The following PLCL1 variants were observed in gnomAD, a reference collection of about 807,000 sequenced individuals.
PLCL1 encodes phospholipase C like 1 (inactive), also known as inactive phospholipase C-like protein 1.
PLCL1 carries 41 observed loss-of-function variants against 84.4 expected under a neutral mutation model. That is an observed-to-expected ratio of 0.49 (90% CI 0.38 to 0.63). The LOEUF is 0.63. Ranked by LOEUF, PLCL1 falls within the 30% of genes least tolerant of loss-of-function variation. The probability of loss-of-function intolerance (pLI) is 0.00; values close to 1 mark genes in which losing one functional copy is unlikely to be tolerated. For synonymous variants in PLCL1, 490 were observed against 488.3 expected (o/e 1.00, Z -0.05); for missense variants, 1,206 against 1,367.8 (o/e 0.88, Z 1.87).
chr2:198,017,273 C>T (rs1691021374), intron 1 of PLCL1, among the ~76,000 whole-genome samples: 1 of 152,214 alleles, frequency 6.6e-6, no homozygotes, highest in African/African-American at 2.4e-5. Flanking sequence ...TAAACACCTG[C>T]TTCCTCCTAC....
At chr2:197,855,157 G>T (rs1296864673) in intron 1 of PLCL1, among the ~76,000 whole-genome samples, 1 of 152,156 alleles carries the variant, frequency 6.6e-6, no homozygotes, top group African/African-American at 2.4e-5. Context: ...AAACTGAGAG[G>T]TGGGCTAAGG....
chr2:197,887,282 C>T (rs1687940285), intron 1 of PLCL1, among the ~76,000 whole-genome samples: 1 of 151,948 alleles, frequency 6.6e-6, no homozygotes, highest in Admixed American at 6.6e-5. Context: ...TATGAAGTAC[C>T]CCAAATTCAG....
At chr2:197,810,317 C>T (rs1021736839) in intron 1 of PLCL1, 1 of 1,241,790 alleles carries the variant, frequency 8.1e-7, no homozygotes, top group African/African-American at 1.5e-5. Flanking sequence ...GAAGAATAAA[C>T]TTCAGGTAAA....
chr2:198,082,075 A>G (rs1408843178), intron 1 of PLCL1, among the ~76,000 whole-genome samples: 1 of 152,248 alleles, frequency 6.6e-6, no homozygotes, highest in African/African-American at 2.4e-5. Context: ...TCATAGTCCT[A>G]CAGTTACTGG....
At chr2:198,048,620 A>T (rs1691859655) in intron 1 of PLCL1, among the ~76,000 whole-genome samples, 1 of 152,162 alleles carries the variant, frequency 6.6e-6, no homozygotes, top group African/African-American at 2.4e-5. Flanking sequence ...AAGGAGAGAG[A>T]GTGGGGAGGT....
intron 1 of PLCL1, among the ~76,000 whole-genome samples, chr2:197,835,526 C>T (rs966511317): frequency 2.0e-5 from 3 of 152,216 alleles, no homozygotes; most frequent in African/African-American, 7.2e-5. Flanking sequence ...TTGCAAAGGC[C>T]ATGTTTAATA....
At chr2:198,108,454 A>G (rs1693541426) in intron 5 of PLCL1, among the ~76,000 whole-genome samples, 1 of 151,900 alleles carries the variant, frequency 6.6e-6, no homozygotes, top group African/African-American at 2.4e-5. Context: ...CTGGAAAAAA[A>G]TGAGAAATGT....
chr2:197,836,272 C>T (rs1286046354), intron 1 of PLCL1, among the ~76,000 whole-genome samples: 2 of 151,478 alleles, frequency 1.3e-5, no homozygotes, highest in East Asian at 1.9e-4. Context: ...GGTGAAACCC[C>T]GTCTCTACTA....
At chr2:197,963,380 T>C (rs1011321178) in intron 1 of PLCL1, among the ~76,000 whole-genome samples, 5 of 152,200 alleles carry the variant, frequency 3.3e-5, no homozygotes, top group Non-Finnish European at 7.4e-5. Flanking sequence ...CTTTTGCATG[T>C]CTTCTTTTGA....
intron 1 of PLCL1, among the ~76,000 whole-genome samples, chr2:197,943,627 C>CTTTTTTTTTTTTTTTTTTTT (rs5837573): frequency 1.7e-5 from 2 of 119,196 alleles, no homozygotes; most frequent in Non-Finnish European, 3.4e-5. Flanking sequence ...TTGGTTACAT[C>CTTTTTTTTTTTTTTTTTTTT]TTTTTTTTTT....
chr2:197,985,219 T>C lies in PLCL1; in HGVS notation c.241-98539T>C, dbSNP rs141370812. Among the ~76,000 whole-genome samples, 85 of 152,324 alleles carry C rather than the reference T, an allele frequency of 5.6e-4. 1 individual carries two copies. Among genetic ancestry groups the C allele is most frequent in the African/African-American group, 2.0e-3 (84 of 41,568 alleles). On this transcript the variant is annotated intron_variant, in intron 1 of 5. Transcript: ENST00000428675. ...AGCTGTATAACTCTGAGCCAGTTGG[T>C]TAAGCGTGTGAAGTCTCAGTTTCTT...
In PLCL1 at chr2:197,993,230, G is replaced by A. The variant is rs142354165; in HGVS notation, c.241-90528G>A. On this transcript the variant is annotated intron_variant, in intron 1 of 5. Transcript: ENST00000428675. ...TGGGTGTGAAGTTGTATCTCATTGC[G>A]GTTTTGATTTGCATTTCCCTAGTGA... Among the ~76,000 whole-genome samples, 12 of 152,150 alleles carry A rather than the reference G, an allele frequency of 7.9e-5. No individual in the cohort carries two copies. The East Asian group carries it at 2.1e-3, about 27-fold the overall frequency.
intron 1 of PLCL1, among the ~76,000 whole-genome samples, chr2:197,997,225 C>T (rs960651672): frequency 6.6e-6 from 1 of 152,210 alleles, no homozygotes; most frequent in African/African-American, 2.4e-5. Context: ...TTCTCTCTTC[C>T]CCCTTAATGG....
intron 1 of PLCL1, among the ~76,000 whole-genome samples, chr2:198,050,855 T>C (rs991778182): frequency 5.9e-5 from 9 of 152,242 alleles, no homozygotes; most frequent in East Asian, 3.8e-4. Context: ...ACTATCTCTT[T>C]AGAGGCATCT....
intron 1 of PLCL1, among the ~76,000 whole-genome samples, chr2:198,066,226 A>C (rs1259792260): frequency 6.6e-6 from 1 of 152,132 alleles, no homozygotes; most frequent in Non-Finnish European, 1.5e-5. Flanking sequence ...GAAAACCACT[A>C]ATAACCTGAC....
chr2:198,034,899 TG>T (rs1214177820), intron 1 of PLCL1, among the ~76,000 whole-genome samples: 1 of 152,242 alleles, frequency 6.6e-6, no homozygotes, highest in Non-Finnish European at 1.5e-5. Context: ...CCAGTTATTT[TG>T]GGTTAATCTG....
chr2:198,097,471 T>C (rs1693229070), intron 3 of PLCL1, among the ~76,000 whole-genome samples: 2 of 152,144 alleles, frequency 1.3e-5, no homozygotes, highest in Admixed American at 1.3e-4. Context: ...GGTAGTAAGG[T>C]AGTCAAATTG....
chr2:198,038,147 A>G lies in PLCL1; in HGVS notation c.241-45611A>G, dbSNP rs538180468. ...AGCATAAACCTTGTAAGAGTCAGAAAAGGGCTTTTGTTCTAGAGAGAGAGA... is the reference window on the plus strand; with the variant it reads ...AGCATAAACCTTGTAAGAGTCAGAAGAGGGCTTTTGTTCTAGAGAGAGAGA... On this transcript the variant is annotated intron_variant, in intron 1 of 5. Coordinates refer to ENST00000428675, the MANE Select transcript of PLCL1 (RefSeq NM_006226.4). Among the ~76,000 whole-genome samples, 5 of 152,290 alleles carry G rather than the reference A, an allele frequency of 3.3e-5. No individual in the cohort carries two copies. In the South Asian group the frequency reaches 1.0e-3, roughly 32 times the overall value.
chr2:198,006,121 A>C (rs1273035852), intron 1 of PLCL1, among the ~76,000 whole-genome samples: 2 of 152,246 alleles, frequency 1.3e-5, no homozygotes, highest in Non-Finnish European at 2.9e-5. Context: ...CTTCTAGGGA[A>C]ACAACATAAA....
Sources: allele counts gnomAD v4.1 joint callset (sites outside exome capture counted in the v4.1 genomes callset), GRCh38; gene constraint gnomAD v4.1.1; transcripts MANE v1.5; gene names NCBI Gene and HGNC (gene_info 2026-07-23, HGNC 2026-07-21).